Variants in NLRP9 observed in about 807,000 individuals in gnomAD.
NLRP9 encodes NACHT, LRR and PYD domains-containing protein 9.
In NLRP9, 88 loss-of-function variants were observed where a neutral mutation model predicts 83.1. That is an observed-to-expected ratio of 1.06 (90% CI 0.89 to 1.26). The LOEUF is 1.26. Ranked by LOEUF, NLRP9 falls within the 50% of genes most tolerant of loss-of-function variation. NLRP9 has a pLI of 0.00. For missense variants in NLRP9, 1,308 were observed against 1,179.3 expected, an observed-to-expected ratio of 1.11 and a Z score of -1.60; for synonymous variants, 521 against 447.6, an observed-to-expected ratio of 1.16 and a Z score of -2.07.
intron 8 of NLRP9, chr19:55,709,845 A>G (rs1017083776): frequency 2.6e-5 from 4 of 152,216 alleles, no homozygotes; most frequent in Admixed American, 1.3e-4. Context: ...AATATAAAAA[A>G]TAAGTTCACA....
chr19:55,708,665 T>C lies in NLRP9; in HGVS notation c.*247A>G. 3.0e-6 allele frequency: 1 copy of C among 338,804 alleles called. No homozygotes were observed. 21.0% of individuals were successfully genotyped at this position (338,804 alleles called of 1,614,324 possible). A position where few individuals can be genotyped will look rare whatever the true frequency, so the allele number is the denominator to read the frequency against. Reference sequence around the variant, plus strand: ...GCGTTTAGCACTTGTTTAACGTACTTGTGCTTCTAAATATCACAAGGCAGG... The same window carrying C: ...GCGTTTAGCACTTGTTTAACGTACTCGTGCTTCTAAATATCACAAGGCAGG... On this transcript the variant is annotated 3_prime_UTR_variant, in exon 9 of 9. Transcript: ENST00000332836.
chr19:55,717,871 C>T (rs139466699), intron 4 of NLRP9, among the ~76,000 whole-genome samples: 125 of 152,312 alleles, frequency 8.2e-4, no homozygotes, highest in African/African-American at 2.7e-3. Flanking sequence ...CCACACGCCA[C>T]GCCCCAGCTC....
intron 4 of NLRP9, among the ~76,000 whole-genome samples, chr19:55,717,638 T>G (rs1359829540): frequency 6.6e-6 from 1 of 152,194 alleles, no homozygotes. Context: ...CAAACTGTGT[T>G]TTTTTTCCTA....
At chr19:55,730,746 G>C (rs1988547486) in intron 2 of NLRP9, among the ~76,000 whole-genome samples, 1 of 152,082 alleles carries the variant, frequency 6.6e-6, no homozygotes, top group Non-Finnish European at 1.5e-5. Context: ...CACACACACT[G>C]GGGCCTGTTG....
chr19:55,710,817 G>A (rs181010787), intron 8 of NLRP9, among the ~76,000 whole-genome samples: 1 of 152,276 alleles, frequency 6.6e-6, no homozygotes, highest in African/African-American at 2.4e-5. Context: ...CAGGCATGGT[G>A]GCTCACGCTT....
chr19:55,732,787 T>C lies in NLRP9; in HGVS notation c.1044A>G (p.Lys348=), dbSNP rs1436117117. Residue 348 remains lysine (K), a synonymous_variant, in exon 2 of 9, where the codon AAA becomes AAG. Coordinates refer to ENST00000332836, the MANE Select transcript of NLRP9 (RefSeq NM_176820.4). ...GGTCTTCTCCCCTCTCTAGCCTCTGTTTCACACAAGTACAGACCAACCAGC... is the reference window on the plus strand; with the variant it reads ...GGTCTTCTCCCCTCTCTAGCCTCTGCTTCACACAAGTACAGACCAACCAGC... The part of the protein sequence containing the change: ...FTCWLVCTCV[K]QRLERGEDLE... 2.5e-6 allele frequency: 4 copies of C among 1,614,062 alleles called. No individual in the cohort carries two copies. Among genetic ancestry groups the C allele is most frequent in the Admixed American group, 3.3e-5 (2 of 59,992 alleles).
At chr19:55,734,576 TACATATATAC>T (rs1156376059) in intron 1 of NLRP9, among the ~76,000 whole-genome samples, 26 of 146,874 alleles carry the variant, frequency 1.8e-4, no homozygotes, top group African/African-American at 6.1e-4. Flanking sequence ...TACACACATA[TACATATATAC>T]ACATATATAC....
chr19:55,724,540 CAAAACTGTGTTACCCAAGGA>C (rs903869469), intron 3 of NLRP9, among the ~76,000 whole-genome samples: 15 of 151,776 alleles, frequency 9.9e-5, no homozygotes, highest in African/African-American at 3.4e-4. Flanking sequence ...ATGCTCCAAG[CAAAACTGTGTTACCCAAGGA>C]AATAACCCAT....
chr19:55,708,908 C>T lies in NLRP9; in HGVS notation c.*4G>A. The T allele has an allele frequency of 6.5e-7, 1 of 1,534,442 alleles. No individual in the cohort carries two copies. Among genetic ancestry groups the T allele is most frequent in the Non-Finnish European group, 8.7e-7 (1 of 1,149,556 alleles). On this transcript the variant is annotated 3_prime_UTR_variant, in exon 9 of 9. Transcript: ENST00000332836. ...GTGAGACGACTACTTCAGGGTGTTCCCCATCAGAGGAGCACACCCCTGATC... is the reference window on the plus strand; with the variant it reads ...GTGAGACGACTACTTCAGGGTGTTCTCCATCAGAGGAGCACACCCCTGATC...
chr19:55,736,023 T>A (rs1440570293), intron 1 of NLRP9, among the ~76,000 whole-genome samples: 3 of 152,080 alleles, frequency 2.0e-5, no homozygotes, highest in Admixed American at 6.6e-5. Context: ...GATTTATCAT[T>A]ATATTATTCA....
chr19:55,708,825 T>C lies in NLRP9; in HGVS notation c.*87A>G, dbSNP rs1042695302. 1 of 867,254 alleles carries C rather than the reference T, an allele frequency of 1.2e-6. No homozygotes were observed. The allele number at this position is 867,254 out of a possible 1,614,324, so 53.7% of individuals were successfully genotyped here. A position where few individuals can be genotyped will look rare whatever the true frequency, so the allele number is the denominator to read the frequency against. ...AAATCACAGCCCTGCTGCCATGATG[T>C]GCAATTACAGGATAGAGGTGCCAGG... is the stretch of plus-strand genomic sequence containing the variant. On this transcript the variant is annotated 3_prime_UTR_variant, in exon 9 of 9. Coordinates refer to ENST00000332836, the MANE Select transcript of NLRP9 (RefSeq NM_176820.4).
intron 6 of NLRP9, among the ~76,000 whole-genome samples, chr19:55,713,108 T>A (rs1013386203): frequency 6.6e-6 from 1 of 150,836 alleles, no homozygotes; most frequent in Non-Finnish European, 1.5e-5. Flanking sequence ...CTCCTCATTA[T>A]TCTCCCTGGT....
intron 4 of NLRP9, among the ~76,000 whole-genome samples, chr19:55,719,702 A>G (rs192499310): frequency 2.3e-4 from 35 of 152,342 alleles, no homozygotes; most frequent in African/African-American, 7.2e-4. Context: ...CCAAGAGGAA[A>G]TGGGAGAGAA....
At chr19:55,735,325 G>A (rs984382078) in intron 1 of NLRP9, among the ~76,000 whole-genome samples, 2 of 147,094 alleles carry the variant, frequency 1.4e-5, no homozygotes, top group Admixed American at 6.8e-5. Flanking sequence ...GGTGGCTCAC[G>A]CCGGTAATCC....
At chr19:55,712,652 TATTTTC>T (rs1274395992) in intron 6 of NLRP9, 62 bp from the exon 7 acceptor site, 1 of 1,401,628 alleles carries the variant, frequency 7.1e-7, no homozygotes, top group African/African-American at 1.4e-5. Context: ...CAGCCCACCT[TATTTTC>T]ATTTATTCAT....
In NLRP9 at chr19:55,709,663, A is replaced by C. The variant is rs1026546478; in HGVS notation, c.2844-619T>G. ...CAATTTGTTAAATACATTCTATCCT[A>C]CTTACCCAGTTAGCATTGAATACAG... On this transcript the variant is annotated intron_variant, in intron 8 of 8. Transcript: ENST00000332836. 3.3e-5 allele frequency: 5 copies of C among 152,244 alleles called. No individual in the cohort carries two copies. In the East Asian group the frequency reaches 7.7e-4, roughly 23 times the overall value. The allele number at this position is 152,244 out of a possible 1,614,324, so 9.4% of individuals were successfully genotyped here.
At position 55,718,568 on chromosome 19, in the gene NLRP9, CG is replaced by C. The variant is rs373258519; in HGVS notation, c.2160-1671del. Among the ~76,000 whole-genome samples, 874 of 152,314 alleles carry C rather than the reference CG, an allele frequency of 5.7e-3. 11 individuals are homozygous for C. Among genetic ancestry groups the C allele is most frequent in the African/African-American group, 0.02 (833 of 41,580 alleles). On this transcript the variant is annotated intron_variant, in intron 4 of 8. Coordinates refer to ENST00000332836, the MANE Select transcript of NLRP9 (RefSeq NM_176820.4). ...TGAAGAGAAACATAAATCTAGCCTA[CG>C]TGCACATACGGGCACAGTACCTTTC...
chr19:55,728,723 G>A lies in NLRP9; in HGVS notation c.1994+1108C>T, dbSNP rs533689184. Among the ~76,000 whole-genome samples, 232 of 152,258 alleles carry A rather than the reference G, an allele frequency of 1.5e-3. 2 individuals are homozygous for A. The highest frequency in any genetic ancestry group is 5.0e-3 in the African/African-American group (206 of 41,548). On this transcript the variant is annotated intron_variant, in intron 3 of 8. Transcript: ENST00000332836. ...CAAATATGTGGGCCAATAATTCAACGCAATAACTCTTACCAAAAAGATGTA... is the reference window on the plus strand; with the variant it reads ...CAAATATGTGGGCCAATAATTCAACACAATAACTCTTACCAAAAAGATGTA...
At chr19:55,728,035 C>G (rs1988451420) in intron 3 of NLRP9, among the ~76,000 whole-genome samples, 1 of 152,126 alleles carries the variant, frequency 6.6e-6, no homozygotes, top group Non-Finnish European at 1.5e-5. Context: ...CAATAAATTC[C>G]TCTAGCAACA....
Sources: allele counts gnomAD v4.1 joint callset (sites outside exome capture counted in the v4.1 genomes callset), GRCh38; gene constraint gnomAD v4.1.1; transcripts MANE v1.5; gene names NCBI Gene and HGNC (gene_info 2026-07-23, HGNC 2026-07-21).